CDC42BPA: variants seen among roughly 807,000 people sequenced by gnomAD.
The protein encoded by CDC42BPA is CDC42 binding protein kinase alpha, also known as serine/threonine-protein kinase MRCK alpha.
A neutral mutation model predicts 223.5 loss-of-function variants in CDC42BPA; 80 were observed. That is an observed-to-expected ratio of 0.36 (90% CI 0.30 to 0.43). CDC42BPA has a LOEUF of 0.43. Among genes scored for constraint, CDC42BPA ranks in the 20% least tolerant of loss-of-function variants. The pLI is 1.00. For missense variants in CDC42BPA, 1,743 were observed against 2,099.9 expected (o/e 0.83, Z 3.32); for synonymous variants, 694 against 718.6 (o/e 0.97, Z 0.55).
chr1:227,245,494 T>C (rs1680781993), intron 2 of CDC42BPA, among the ~76,000 whole-genome samples: 1 of 152,140 alleles, frequency 6.6e-6, no homozygotes, highest in Admixed American at 6.5e-5. Flanking sequence ...TTTCACCATG[T>C]TGGCCAGGCT....
chr1:227,156,126 TTTTTGTTTTTA>T (rs1257477989), intron 6 of CDC42BPA, among the ~76,000 whole-genome samples: 4 of 77,592 alleles, frequency 5.2e-5, no homozygotes, highest in Admixed American at 1.2e-4. Flanking sequence ...TATAGTTTTT[TTTTTGTTTTTA>T]TTTATTTTTA....
chr1:227,068,722 TA>T (rs759330013), intron 21 of CDC42BPA: 4 of 1,052,494 alleles, frequency 3.8e-6, no homozygotes, highest in Non-Finnish European at 3.7e-6. Context: ...AATACAGCAA[TA>T]AAAAAATAGA....
chr1:227,318,002 G>C lies in CDC42BPA; in HGVS notation c.-820C>G, dbSNP rs1240441355. The C allele has an allele frequency of 5.2e-6, 2 of 386,230 alleles. No homozygotes were observed. Among genetic ancestry groups the C allele is most frequent in the Non-Finnish European group, 9.1e-6 (2 of 218,676 alleles). 23.9% of individuals were successfully genotyped at this position (386,230 alleles called of 1,614,324 possible). On this transcript the variant is annotated 5_prime_UTR_variant, in exon 1 of 37. Coordinates refer to ENST00000366766, the MANE Select transcript of CDC42BPA (RefSeq NM_001394014.1). Reference sequence around the variant, plus strand: ...GGGCTGCGGGCGGCACTGGCACCGGGCTCCGGAGAAGCGGCTACTTGGCCG... The same window carrying C: ...GGGCTGCGGGCGGCACTGGCACCGGCCTCCGGAGAAGCGGCTACTTGGCCG...
At position 227,165,885 on chromosome 1, in the gene CDC42BPA, T is replaced by C. The variant is rs558528497; in HGVS notation, c.600-5249A>G. On this transcript the variant is annotated intron_variant, in intron 5 of 36. Coordinates refer to ENST00000366766, the MANE Select transcript of CDC42BPA (RefSeq NM_001394014.1). ...TACTTTTCAATATAACCTTTTTTTGTATTAGTTTTTTCTTTACTGTGTTAA... is the reference window on the plus strand; with the variant it reads ...TACTTTTCAATATAACCTTTTTTTGCATTAGTTTTTTCTTTACTGTGTTAA... 3.9e-5 allele frequency among the ~76,000 whole-genome samples: 6 copies of C among 152,322 alleles called. No individual in the cohort carries two copies. In the South Asian group the frequency reaches 1.2e-3, roughly 32 times the overall value.
chr1:227,284,571 A>G (rs1177300712), intron 1 of CDC42BPA, among the ~76,000 whole-genome samples: 5 of 152,288 alleles, frequency 3.3e-5, no homozygotes, highest in Middle Eastern at 3.4e-3. Flanking sequence ...TATGATTCCT[A>G]AAGAAATACT....
At chr1:227,117,250 A>T (rs1687907684) in intron 12 of CDC42BPA, among the ~76,000 whole-genome samples, 1 of 152,174 alleles carries the variant, frequency 6.6e-6, no homozygotes, top group Non-Finnish European at 1.5e-5. Context: ...TAATAAATAT[A>T]GATAGTAAGA....
chr1:227,305,952 C>T (rs1014298662), intron 1 of CDC42BPA, among the ~76,000 whole-genome samples: 39 of 151,840 alleles, frequency 2.6e-4, no homozygotes, highest in South Asian at 6.3e-4. Flanking sequence ...GGTGACAGAG[C>T]GAGACTCCAT....
intron 14 of CDC42BPA, among the ~76,000 whole-genome samples, chr1:227,111,486 ATGT>A (rs1686912784): frequency 6.6e-6 from 1 of 151,954 alleles, no homozygotes; most frequent in South Asian, 2.1e-4. Context: ...ATGAGGTTAA[ATGT>A]TGTTTTGTTT....
chr1:227,209,713 G>C (rs1202421263), intron 3 of CDC42BPA, among the ~76,000 whole-genome samples: 3 of 148,262 alleles, frequency 2.0e-5, no homozygotes, highest in African/African-American at 7.5e-5. Flanking sequence ...AAGCCCACTT[G>C]ATCATGGTGG....
rs370059021 is a variant in CDC42BPA at position 227,145,705 on chromosome 1, A to G, written c.927T>C (p.Asp309=). Reference sequence around the variant, plus strand: ...TAAGATCCTTAGCATTTTCAGACACATCAGTCACTTGGGCTGGAAACTGAA... The same window carrying G: ...TAAGATCCTTAGCATTTTCAGACACGTCAGTCACTTGGGCTGGAAACTGAA... The part of the protein sequence containing the change: ...ERFQFPAQVT[D]VSENAKDLIR... Residue 309 remains aspartate, a synonymous_variant, in exon 8 of 37, where the codon GAT becomes GAC. Coordinates refer to ENST00000366766, the MANE Select transcript of CDC42BPA (RefSeq NM_001394014.1). 2.2e-5 allele frequency: 35 copies of G among 1,613,564 alleles called. No homozygotes were observed. The highest frequency in any genetic ancestry group is 3.0e-5 in the Non-Finnish European group (35 of 1,179,676).
rs970922137 is a variant in CDC42BPA at position 227,249,562 on chromosome 1, T to A, written c.270+4502A>T. 7.2e-5 allele frequency among the ~76,000 whole-genome samples: 11 copies of A among 152,280 alleles called. No individual in the cohort carries two copies. The East Asian group carries it at 1.9e-3, about 27-fold the overall frequency. ...AACTACTCATCTGACAAGGGATTAA[T>A]AACCAGAATATACAAGGAATTCAAA... On this transcript the variant is annotated intron_variant, in intron 2 of 36. Coordinates refer to ENST00000366766, the MANE Select transcript of CDC42BPA (RefSeq NM_001394014.1).
intron 2 of CDC42BPA, among the ~76,000 whole-genome samples, chr1:227,245,269 G>A (rs1318249519): frequency 6.8e-6 from 1 of 147,746 alleles, no homozygotes; most frequent in Non-Finnish European, 1.5e-5. Context: ...GAGTAAAGAG[G>A]ACTTTGTCTT....
intron 1 of CDC42BPA, among the ~76,000 whole-genome samples, chr1:227,288,386 A>T (rs905217904): frequency 6.6e-6 from 1 of 152,070 alleles, no homozygotes; most frequent in Non-Finnish European, 1.5e-5. Flanking sequence ...AAAAATAAAA[A>T]AATGAAAAAT....
chr1:227,066,703 G>A (rs1025018868), intron 21 of CDC42BPA, among the ~76,000 whole-genome samples: 1 of 152,052 alleles, frequency 6.6e-6, no homozygotes, highest in African/African-American at 2.4e-5. Context: ...TGAACTGATG[G>A]ATGAGAAAAG....
At chr1:227,171,070 A>T (rs1484399375) in intron 5 of CDC42BPA, among the ~76,000 whole-genome samples, 1 of 152,228 alleles carries the variant, frequency 6.6e-6, no homozygotes. Flanking sequence ...CAATAAAAGG[A>T]GTGAAAGGAA....
At chr1:227,041,642 C>T (rs1671396750) in intron 23 of CDC42BPA, among the ~76,000 whole-genome samples, 1 of 152,106 alleles carries the variant, frequency 6.6e-6, no homozygotes, top group East Asian at 1.9e-4. Flanking sequence ...TATCTTTTTA[C>T]ATAGAAAAAC....
chr1:227,009,239 G>T (rs77045133), intron 34 of CDC42BPA, among the ~76,000 whole-genome samples: 3,077 of 152,174 alleles, frequency 0.02, 110 homozygotes, highest in African/African-American at 0.07. Flanking sequence ...CATTCAGTCC[G>T]CTAGAGTTAA....
chr1:227,253,048 T>G (rs1015818370), intron 2 of CDC42BPA, among the ~76,000 whole-genome samples: 2 of 152,144 alleles, frequency 1.3e-5, no homozygotes, highest in Non-Finnish European at 2.9e-5. Flanking sequence ...TGAGATAAAT[T>G]TATAAAGCCC....
chr1:227,230,709 T>G (rs1213291163), intron 2 of CDC42BPA, among the ~76,000 whole-genome samples: 2 of 152,132 alleles, frequency 1.3e-5, no homozygotes, highest in East Asian at 3.9e-4. Context: ...AACAAAATTT[T>G]TATCTATTGC....
Sources: allele counts gnomAD v4.1 joint callset (sites outside exome capture counted in the v4.1 genomes callset), GRCh38; gene constraint gnomAD v4.1.1; transcripts MANE v1.5; gene names NCBI Gene and HGNC (gene_info 2026-07-23, HGNC 2026-07-21).